GAB4: variants seen among roughly 807,000 people sequenced by gnomAD.
GAB4 encodes the protein GRB2 associated binding protein family member 4.
A neutral mutation model predicts 51.3 loss-of-function variants in GAB4; 26 were observed. That is an observed-to-expected ratio of 0.51 (90% CI 0.37 to 0.70). GAB4 has a LOEUF of 0.70. Ranked by LOEUF, GAB4 falls within the 30% of genes least tolerant of loss-of-function variation. The probability of loss-of-function intolerance (pLI) is 0.00; values close to 1 mark genes in which losing one functional copy is unlikely to be tolerated. For synonymous variants in GAB4, 329 were observed against 291.2 expected (o/e 1.13, Z -1.32); for missense variants, 759 against 734.6 (o/e 1.03, Z -0.38).
At chr22:16,964,354 T>C (rs1403935286) in intron 8 of GAB4, among the ~76,000 whole-genome samples, 1 of 152,214 alleles carries the variant, frequency 6.6e-6, no homozygotes, top group African/African-American at 2.4e-5. Context: ...TTGGTCATGA[T>C]GCCCTCTTCA....
intron 1 of GAB4, among the ~76,000 whole-genome samples, chr22:17,007,506 G>A (rs1161966906): frequency 1.3e-5 from 2 of 151,176 alleles, no homozygotes; most frequent in Admixed American, 6.6e-5. Flanking sequence ...CCTTCTCGGG[G>A]CTTGGGAGGG....
In GAB4 at chr22:16,988,126, A is replaced by G. The variant is rs769648537; in HGVS notation, c.520T>C (p.Ser174Pro). 1.9e-6 allele frequency: 3 copies of G among 1,613,066 alleles called. No individual in the cohort carries two copies. Among genetic ancestry groups the G allele is most frequent in the Admixed American group, 3.3e-5 (2 of 59,926 alleles). ...NISSASHGLC[S>P]SPAEPSCSHQ... is the part of the protein sequence containing the mutation. ...GAGCAGCTGGGCTCAGCTGGAGAAG[A>G]GCAGAGGCCGTGACTGGCTGAGGAA... The change falls in exon 3 of 10, where the codon TCT becomes CCT. Residue 174 changes from serine to proline, a missense_variant. This residue lies in a region of GAB4 where 88 missense variants were observed against 151.3 expected (regional missense o/e 0.58). Coordinates refer to ENST00000400588, the MANE Select transcript of GAB4 (RefSeq NM_001037814.1).
chr22:16,972,225 A>C (rs5992603), intron 3 of GAB4, among the ~76,000 whole-genome samples: 5,209 of 152,272 alleles, frequency 0.034, 356 homozygotes, highest in African/African-American at 0.12. Flanking sequence ...ACGAACACAC[A>C]CCACCACAAT....
intron 3 of GAB4, among the ~76,000 whole-genome samples, chr22:16,979,583 G>A (rs2060810088): frequency 6.6e-6 from 1 of 152,104 alleles, no homozygotes; most frequent in Non-Finnish European, 1.5e-5. Flanking sequence ...CGTGAAAATG[G>A]CCATACTGCC....
intron 3 of GAB4, among the ~76,000 whole-genome samples, chr22:16,987,643 C>T (rs1340091429): frequency 3.3e-5 from 5 of 152,124 alleles, no homozygotes; most frequent in African/African-American, 4.8e-5. Context: ...ACACATAAAC[C>T]GACTTTGTTA....
chr22:16,969,854 T>A, intron 4 of GAB4, 89 bp downstream of exon 4: 1 of 1,464,078 alleles, frequency 6.8e-7, no homozygotes, highest in South Asian at 1.2e-5. Context: ...GCACTGAGAG[T>A]GGGGTGGCCG....
At chr22:16,969,596 T>C in intron 4 of GAB4, 2 of 534,950 alleles carry the variant, frequency 3.7e-6, no homozygotes, top group Non-Finnish European at 6.6e-6. Flanking sequence ...TGGGTCTCAG[T>C]GAGGGCTCAT....
At chr22:16,981,186 A>T (rs2060824627) in intron 3 of GAB4, among the ~76,000 whole-genome samples, 1 of 150,802 alleles carries the variant, frequency 6.6e-6, no homozygotes, top group Non-Finnish European at 1.5e-5. Context: ...TAAATATAAA[A>T]TATAGTAAGG....
chr22:16,965,471 C>T (rs760438477), intron 6 of GAB4, among the ~76,000 whole-genome samples: 3 of 152,148 alleles, frequency 2.0e-5, no homozygotes, highest in African/African-American at 4.8e-5. Flanking sequence ...GATTCCAGAT[C>T]GTATGCTCCT....
chr22:16,973,260 C>T (rs1183291686), intron 3 of GAB4, among the ~76,000 whole-genome samples: 1 of 152,218 alleles, frequency 6.6e-6, no homozygotes, highest in East Asian at 1.9e-4. Context: ...GAAGGAAACC[C>T]TGTCTTATTC....
chr22:16,981,318 AAAAAT>A (rs1160117002), intron 3 of GAB4, among the ~76,000 whole-genome samples: 5 of 151,880 alleles, frequency 3.3e-5, no homozygotes, highest in Admixed American at 2.6e-4. Context: ...TTAGAGTGAA[AAAAAT>A]AAAATATCAA....
chr22:17,008,153 C>T lies in GAB4; in HGVS notation c.-39G>A, dbSNP rs778363970. Reference sequence around the variant, plus strand: ...CACAGTGAAGGTGGGGGAGACAGGGCGAGAGGGCGTTGCTGGAGGTGGGGT... The same window carrying T: ...CACAGTGAAGGTGGGGGAGACAGGGTGAGAGGGCGTTGCTGGAGGTGGGGT... On this transcript the variant is annotated 5_prime_UTR_variant, in exon 1 of 10. Transcript: ENST00000400588. 2.7e-6 allele frequency: 4 copies of T among 1,470,870 alleles called. No individual in the cohort carries two copies. The highest frequency in any genetic ancestry group is 2.4e-5 in the South Asian group (2 of 84,402). 91.1% of individuals were successfully genotyped at this position (1,470,870 alleles called of 1,614,324 possible).
At chr22:16,968,824 C>G (rs1013331101) in intron 4 of GAB4, among the ~76,000 whole-genome samples, 9 of 152,168 alleles carry the variant, frequency 5.9e-5, no homozygotes, top group African/African-American at 1.4e-4. Context: ...GGGCCTTGCT[C>G]AAATTGCTGA....
At chr22:16,971,187 C>G (rs1465743220) in intron 3 of GAB4, among the ~76,000 whole-genome samples, 1 of 152,182 alleles carries the variant, frequency 6.6e-6, no homozygotes, top group African/African-American at 2.4e-5. Flanking sequence ...GAGCCAGACC[C>G]TACCTCGGAA....
At chr22:16,990,956 T>G (rs2060908620) in intron 2 of GAB4, among the ~76,000 whole-genome samples, 3 of 152,228 alleles carry the variant, frequency 2.0e-5, no homozygotes, top group Admixed American at 6.5e-5. Flanking sequence ...CTGATGCTGA[T>G]GAGCTGAGAA....
intron 3 of GAB4, among the ~76,000 whole-genome samples, chr22:16,976,675 C>G (rs1360632729): frequency 6.6e-6 from 1 of 151,998 alleles, no homozygotes; most frequent in African/African-American, 2.4e-5. Context: ...AGAACACCAC[C>G]AAGATACTCC....
rs778936377 is a variant in GAB4 at position 16,991,995 on chromosome 22, T to C, written c.356A>G (p.Tyr119Cys). The change falls in exon 2 of 10, where the codon TAT (tyrosine) becomes TGT (cysteine). Residue 119 changes from tyrosine (Y) to cysteine (C), a missense_variant. Physicochemically the swap from Tyr to Cys is radical, Grantham distance 194 (BLOSUM62 -2). Around this residue, in one of 3 missense-constraint regions of GAB4, gnomAD observed 88 missense variants for 151.3 expected, o/e 0.58. Transcript: ENST00000400588. Reference sequence around the variant, plus strand: ...CTCACTGGTCTTGATGTCAAACATATAGCCCTTCTGAATCTCCTTCTTGTT... The same window carrying C: ...CTCACTGGTCTTGATGTCAAACATACAGCCCTTCTGAATCTCCTTCTTGTT... ...NFNKKEIQKG[Y>C]MFDIKTSERT... The C allele has an allele frequency of 6.2e-7, 1 of 1,614,186 alleles. No individual in the cohort carries two copies. The highest frequency in any genetic ancestry group is 8.5e-7 in the Non-Finnish European group (1 of 1,179,996).
chr22:16,987,546 T>C (rs2060878068), intron 3 of GAB4, among the ~76,000 whole-genome samples: 1 of 152,256 alleles, frequency 6.6e-6, no homozygotes. Context: ...TGACTGCAGC[T>C]ACTGTGGAGC....
intron 1 of GAB4, among the ~76,000 whole-genome samples, chr22:16,998,204 G>A (rs1005121888): frequency 1.5e-4 from 23 of 152,222 alleles, no homozygotes; most frequent in Admixed American, 3.3e-4. Context: ...AGCTTGATGG[G>A]GATGGCACTG....
Sources: allele counts gnomAD v4.1 joint callset (sites outside exome capture counted in the v4.1 genomes callset), GRCh38; gene constraint gnomAD v4.1.1; regional missense constraint gnomAD v4.1.1; transcripts MANE v1.5; gene names NCBI Gene and HGNC (gene_info 2026-07-23, HGNC 2026-07-21).